The following PCDH15 variants were observed in gnomAD, a reference collection of about 807,000 sequenced individuals.
PCDH15 encodes protocadherin-15.
Under a neutral mutation model 178.5 loss-of-function variants are expected in PCDH15, and 129 were observed. That is an observed-to-expected ratio of 0.72 (90% CI 0.63 to 0.84). The LOEUF is 0.84. PCDH15 is among the 40% of genes least tolerant of loss of function. PCDH15 has a pLI of 0.00. For missense variants in PCDH15, 2,230 were observed against 2,099.9 expected (o/e 1.06, Z -1.21); for synonymous variants, 800 against 732.0 (o/e 1.09, Z -1.50).
intron 2 of PCDH15, among the ~76,000 whole-genome samples, chr10:54,539,199 A>C (rs1356783348): frequency 1.3e-5 from 2 of 152,142 alleles, no homozygotes; most frequent in East Asian, 3.9e-4. Flanking sequence ...GGGTTGGATA[A>C]AGTAACACCC....
intron 1 of PCDH15, among the ~76,000 whole-genome samples, chr10:54,726,804 C>T (rs1264035809): frequency 6.7e-6 from 1 of 150,044 alleles, no homozygotes; most frequent in Non-Finnish European, 1.5e-5. Flanking sequence ...AAGAAAATCT[C>T]AGAGCTCTAA....
chr10:55,583,863 T>C (rs1338100086), intron 2 of PCDH15, among the ~76,000 whole-genome samples: 1 of 151,988 alleles, frequency 6.6e-6, no homozygotes, highest in Non-Finnish European at 1.5e-5. Flanking sequence ...TGAAAAGTAA[T>C]ATTTTATATA....
chr10:54,650,695 G>A (rs117292931), intron 2 of PCDH15, among the ~76,000 whole-genome samples: 2,674 of 152,214 alleles, frequency 0.018, 31 homozygotes, highest in Non-Finnish European at 0.027. Context: ...TGGTGGAAGA[G>A]CAAGTGACAT....
At chr10:55,318,494 A>G (rs1031837532) in intron 1 of PCDH15, among the ~76,000 whole-genome samples, 6 of 152,152 alleles carry the variant, frequency 3.9e-5, no homozygotes, top group African/African-American at 1.2e-4. Flanking sequence ...CGAAAGTTCA[A>G]TGGATAAATC....
At chr10:54,442,413 G>GCT (rs2075851726) in intron 3 of PCDH15, among the ~76,000 whole-genome samples, 5 of 10,860 alleles carry the variant, frequency 4.6e-4, no homozygotes, top group African/African-American at 1.9e-3. Flanking sequence ...GGCCTTAAAG[G>GCT]CTATATATAT....
In PCDH15 at chr10:54,190,072, A is replaced by G. The variant is rs1245522137; in HGVS notation, c.1306-4804T>C. 2.6e-5 allele frequency among the ~76,000 whole-genome samples: 4 copies of G among 152,032 alleles called. No individual in the cohort carries two copies. In the East Asian group the frequency reaches 7.7e-4, roughly 29 times the overall value. On this transcript the variant is annotated intron_variant, in intron 11 of 37. Transcript: ENST00000644397. ...CCCTTGGAATTCTTTCTGACTTAAA[A>G]TCTACACTGTGAATACTATCACAAC...
chr10:55,302,935 A>G (rs781403696), intron 1 of PCDH15, among the ~76,000 whole-genome samples: 1 of 152,124 alleles, frequency 6.6e-6, no homozygotes, highest in Non-Finnish European at 1.5e-5. Flanking sequence ...AAAGGATGCA[A>G]AGACCTTGAG....
At chr10:53,883,033 G>A (rs2080843092) in intron 26 of PCDH15, among the ~76,000 whole-genome samples, 1 of 151,740 alleles carries the variant, frequency 6.6e-6, no homozygotes, top group Middle Eastern at 3.2e-3. Flanking sequence ...TTTTTTTGAT[G>A]TACATATGTA....
intron 7 of PCDH15, among the ~76,000 whole-genome samples, chr10:54,325,939 C>G (rs1937949135): frequency 6.6e-6 from 1 of 151,870 alleles, no homozygotes; most frequent in East Asian, 1.9e-4. Context: ...AACAAACAAA[C>G]AAGATAAATG....
chr10:55,609,179 T>A (rs901173520), intron 2 of PCDH15, among the ~76,000 whole-genome samples: 1 of 152,070 alleles, frequency 6.6e-6, no homozygotes, highest in Admixed American at 6.6e-5. Flanking sequence ...GAATTGTAAT[T>A]CTTATATGTG....
intron 1 of PCDH15, among the ~76,000 whole-genome samples, chr10:54,707,542 A>G (rs1008452619): frequency 2.0e-5 from 3 of 152,184 alleles, no homozygotes; most frequent in African/African-American, 7.2e-5. Context: ...ACAAATAATA[A>G]AATAATTAAA....
intron 2 of PCDH15, among the ~76,000 whole-genome samples, chr10:55,084,504 A>T (rs916353796): frequency 4.0e-5 from 6 of 151,186 alleles, no homozygotes; most frequent in African/African-American, 1.5e-4. Context: ...ACTCTCCAGG[A>T]CATAGATCAA....
intron 9 of PCDH15, among the ~76,000 whole-genome samples, chr10:54,219,487 G>A (rs1033436960): frequency 1.3e-5 from 2 of 150,230 alleles, no homozygotes; most frequent in Admixed American, 6.6e-5. Flanking sequence ...CAGCTACTCG[G>A]GAGGCTGAGG....
intron 2 of PCDH15, among the ~76,000 whole-genome samples, chr10:55,145,269 T>A (rs1382791683): frequency 6.6e-6 from 1 of 152,032 alleles, no homozygotes; most frequent in Non-Finnish European, 1.5e-5. Context: ...CAGAGGGGCA[T>A]GCTCTGGCAG....
intron 1 of PCDH15, among the ~76,000 whole-genome samples, chr10:55,305,808 C>A (rs1486054312): frequency 6.6e-6 from 1 of 152,046 alleles, no homozygotes; most frequent in East Asian, 1.9e-4. Context: ...CATAAATGTA[C>A]TTTGTGAATT....
At chr10:53,869,204 T>G (rs1589166888) in intron 26 of PCDH15, among the ~76,000 whole-genome samples, 1 of 152,222 alleles carries the variant, frequency 6.6e-6, no homozygotes, top group Non-Finnish European at 1.5e-5. Context: ...GTTTTGGTAT[T>G]AGAGTAATAG....
At chr10:54,909,406 A>G (rs1312601842) in intron 2 of PCDH15, among the ~76,000 whole-genome samples, 1 of 152,086 alleles carries the variant, frequency 6.6e-6, no homozygotes, top group Non-Finnish European at 1.5e-5. Context: ...TTTGCACCCA[A>G]AGTCTCGAGG....
At chr10:55,263,189 T>C (rs1842192973) in intron 1 of PCDH15, among the ~76,000 whole-genome samples, 1 of 152,190 alleles carries the variant, frequency 6.6e-6, no homozygotes, top group African/African-American at 2.4e-5. Context: ...AGAGGCTCTC[T>C]TTCCCTTCAC....
Position 53,807,002 on chromosome 10 carries a change from G to GTTGA in PCDH15, c.4796_4799dup (p.Gly1601GlnfsTer37). ...CATTCTGTGCAATATATATATTGCC[G>GTTGA]TTGATATTACTGTGGATACTAGGAT... On this transcript the variant is annotated frameshift_variant, in exon 38 of 38. Coordinates refer to ENST00000644397, the MANE Select transcript of PCDH15 (RefSeq NM_001384140.1). LOFTEE classifies it high-confidence loss of function. 6.2e-7 allele frequency: 1 copy of GTTGA among 1,613,638 alleles called. No homozygotes were observed. Among genetic ancestry groups the GTTGA allele is most frequent in the South Asian group, 1.1e-5 (1 of 91,078 alleles).
Sources: allele counts gnomAD v4.1 joint callset (sites outside exome capture counted in the v4.1 genomes callset), GRCh38; gene constraint gnomAD v4.1.1; transcripts MANE v1.5; gene names NCBI Gene and HGNC (gene_info 2026-07-23, HGNC 2026-07-21).